ATP2C2: variants seen among roughly 807,000 people sequenced by gnomAD.
ATP2C2 encodes calcium-transporting ATPase type 2C member 2.
In ATP2C2, 171 loss-of-function variants were observed where a neutral mutation model predicts 110.8. The ratio of observed to expected loss-of-function variants is 1.54; its 90% CI spans 1.36 to 1.75. ATP2C2 has a LOEUF of 1.75. Ranked by LOEUF, ATP2C2 falls within the 40% of genes most tolerant of loss-of-function variation. ATP2C2 has a pLI of 0.00. For missense variants in ATP2C2, 1,963 were observed against 1,235.0 expected (o/e 1.59, Z -8.84); for synonymous variants, 804 against 508.4 (o/e 1.58, Z -7.82).
In ATP2C2 at chr16:84,386,635, C is replaced by T. The variant is rs112389545; in HGVS notation, c.100-11864C>T. ...CTCCCACTGCGTATGCACACACAGA[C>T]GCACACAGGTACTACCTAGAAAGGA... On this transcript the variant is annotated intron_variant, in intron 1 of 26. Transcript: ENST00000262429. 1.7e-3 allele frequency among the ~76,000 whole-genome samples: 259 copies of T among 152,302 alleles called. 1 individual carries two copies. The highest frequency in any genetic ancestry group is 5.8e-3 in the African/African-American group (243 of 41,576).
chr16:84,373,722 T>A (rs571213358), intron 1 of ATP2C2, among the ~76,000 whole-genome samples: 2 of 152,268 alleles, frequency 1.3e-5, no homozygotes, highest in South Asian at 2.1e-4. Context: ...AAGAAATATT[T>A]CCTTCAATGA....
At chr16:84,409,587 A>G (rs1204342264) in intron 4 of ATP2C2, among the ~76,000 whole-genome samples, 1 of 152,002 alleles carries the variant, frequency 6.6e-6, no homozygotes, top group Non-Finnish European at 1.5e-5. Flanking sequence ...TCAGCTCAGT[A>G]CAACCTCTGC....
chr16:84,369,970 C>G (rs1296223947), intron 1 of ATP2C2, among the ~76,000 whole-genome samples: 1 of 152,216 alleles, frequency 6.6e-6, no homozygotes, highest in African/African-American at 2.4e-5. Context: ...GCGATACATT[C>G]TGCTAAAGGA....
chr16:84,461,132 A>G (rs756436757), intron 24 of ATP2C2: 3 of 331,972 alleles, frequency 9.0e-6, no homozygotes, highest in African/African-American at 6.3e-5. Flanking sequence ...TCTGCTAAAT[A>G]TCCTCCTGTG....
At position 84,433,155 on chromosome 16, in the gene ATP2C2, G is replaced by C. The variant is rs564511360; in HGVS notation, c.987-6011G>C. Among the ~76,000 whole-genome samples, 228 of 152,266 alleles carry C rather than the reference G, an allele frequency of 1.5e-3. 1 individual carries two copies. Among genetic ancestry groups the C allele is most frequent in the African/African-American group, 5.3e-3 (220 of 41,548 alleles). ...AGCACTTTGGGAGGCTGAGGCAAGA[G>C]GATCCCTTGAGCCCAGGAGTTTGAG... On this transcript the variant is annotated intron_variant, in intron 11 of 26. Transcript: ENST00000262429.
At chr16:84,426,874 A>G (rs559421855) in intron 11 of ATP2C2, among the ~76,000 whole-genome samples, 4 of 152,286 alleles carry the variant, frequency 2.6e-5, no homozygotes, top group South Asian at 4.2e-4. Context: ...GTAGTGATTC[A>G]TAAGTCATCC....
At chr16:84,429,555 A>T (rs940396807) in intron 11 of ATP2C2, among the ~76,000 whole-genome samples, 1 of 152,008 alleles carries the variant, frequency 6.6e-6, no homozygotes, top group Non-Finnish European at 1.5e-5. Context: ...TTTCATGTTC[A>T]TGTAGTGTTG....
intron 7 of ATP2C2, among the ~76,000 whole-genome samples, chr16:84,416,442 C>G (rs1906841513): frequency 6.6e-6 from 1 of 152,158 alleles, no homozygotes; most frequent in South Asian, 2.1e-4. Flanking sequence ...GGGATGCATT[C>G]TCAGGAACTG....
chr16:84,416,555 C>G (rs1341786885), intron 7 of ATP2C2, among the ~76,000 whole-genome samples: 2 of 152,030 alleles, frequency 1.3e-5, no homozygotes. Flanking sequence ...TTACAACATT[C>G]CTAGCCTGTC....
At chr16:84,461,897 G>C in intron 25 of ATP2C2, 85 bp downstream of exon 25, 2 of 1,606,186 alleles carry the variant, frequency 1.2e-6, no homozygotes, top group Non-Finnish European at 1.7e-6. Flanking sequence ...AGCATTGAGC[G>C]GCTCTGGCTC....
chr16:84,453,755 G>A (rs1910536629), intron 20 of ATP2C2, among the ~76,000 whole-genome samples: 1 of 152,172 alleles, frequency 6.6e-6, no homozygotes. Flanking sequence ...GAGAACTGGG[G>A]GACCTTTGCT....
intron 3 of ATP2C2, chr16:84,407,106 C>T (rs1408466479): frequency 6.6e-6 from 1 of 152,168 alleles, no homozygotes; most frequent in Non-Finnish European, 1.5e-5. Context: ...CGGGTTCTGT[C>T]TGCTCTCCCT....
chr16:84,449,403 A>G (rs564338300), intron 17 of ATP2C2, among the ~76,000 whole-genome samples: 2 of 152,298 alleles, frequency 1.3e-5, no homozygotes, highest in East Asian at 3.9e-4. Flanking sequence ...CGTTCCCCAA[A>G]GCATTGGCAC....
At position 84,460,751 on chromosome 16, in the gene ATP2C2, A is replaced by G. The variant is rs1449559120; in HGVS notation, c.2431A>G (p.Met811Val). 1.2e-6 allele frequency: 2 copies of G among 1,614,076 alleles called. No homozygotes were observed. Among genetic ancestry groups the G allele is most frequent in the Non-Finnish European group, 1.7e-6 (2 of 1,179,966 alleles). Reference sequence around the variant, plus strand: ...CAGAGCCCTCATCCTGAAGATCCTCATGTCCGCGGCCATCATCATCAGCGG... The same window carrying G: ...CAGAGCCCTCATCCTGAAGATCCTCGTGTCCGCGGCCATCATCATCAGCGG... ...LSRALILKIL[M>V]SAAIIISGTL... Residue 811 changes from methionine to valine, a missense_variant, in exon 24 of 27, where the codon ATG becomes GTG. Physicochemically the swap from Met to Val is conservative, Grantham distance 21. Coordinates refer to ENST00000262429, the MANE Select transcript of ATP2C2 (RefSeq NM_014861.4).
At chr16:84,389,895 G>A (rs945576123) in intron 1 of ATP2C2, among the ~76,000 whole-genome samples, 10 of 151,940 alleles carry the variant, frequency 6.6e-5, no homozygotes, top group African/African-American at 2.2e-4. Flanking sequence ...TAACTTTTTT[G>A]TATTTTTAGT....
Position 84,423,257 on chromosome 16 carries a change from A to G in ATP2C2, c.913A>G (p.Ile305Val), listed in dbSNP as rs200133776. ...GCAACTGACACTCTTCTCCTTTGGC[A>G]TAATCGGTGAGTGAAGCAGTTTCCA... ...GKQLTLFSFG[I>V]IGLIMLIGWS... The change falls in exon 10 of 27, where the codon ATA (isoleucine) becomes GTA (valine). Residue 305 changes from isoleucine to valine, a missense_variant. Transcript: ENST00000262429. The G allele has an allele frequency of 6.2e-6, 10 of 1,613,832 alleles. No homozygotes were observed. In the African/African-American group the frequency reaches 1.1e-4, roughly 17 times the overall value.
intron 6 of ATP2C2, 149 bp downstream of exon 6, chr16:84,410,914 C>T (rs1049500995): frequency 1.2e-5 from 9 of 744,566 alleles, no homozygotes; most frequent in African/African-American, 6.9e-5. Flanking sequence ...TGGTCTCCGC[C>T]TGCCAATAGG....
At chr16:84,422,608 T>C (rs1567713154) in intron 8 of ATP2C2, 21 bp from the exon 9 acceptor site, 2 of 1,611,472 alleles carry the variant, frequency 1.2e-6, no homozygotes, top group Non-Finnish European at 1.7e-6. Context: ...GATTTCATAC[T>C]TCTCTCTCTC....
intron 21 of ATP2C2, among the ~76,000 whole-genome samples, chr16:84,456,008 T>G (rs1427916362): frequency 1.8e-5 from 2 of 110,906 alleles, no homozygotes; most frequent in Non-Finnish European, 3.6e-5. Context: ...AGCTTTTTGA[T>G]GTGCTGCTGG....
Sources: allele counts gnomAD v4.1 joint callset (sites outside exome capture counted in the v4.1 genomes callset), GRCh38; gene constraint gnomAD v4.1.1; transcripts MANE v1.5; gene names NCBI Gene and HGNC (gene_info 2026-07-23, HGNC 2026-07-21).